SZT2: variants seen among roughly 807,000 people sequenced by gnomAD.
SZT2 encodes the protein KICSTOR complex protein SZT2.
Under a neutral mutation model 404.2 loss-of-function variants are expected in SZT2, and 216 were observed. That is an observed-to-expected ratio of 0.53 (90% CI 0.48 to 0.60). The LOEUF is 0.60. Among genes scored for constraint, SZT2 ranks in the 20% least tolerant of loss-of-function variants. The pLI is 0.00. For missense variants in SZT2, 3,857 were observed against 4,459.2 expected (o/e 0.86, Z 3.85); for synonymous variants, 1,693 against 1,749.9 (o/e 0.97, Z 0.81).
chr1:43,390,177 C>T (rs901518872), intron 1 of SZT2, among the ~76,000 whole-genome samples, 182 bp downstream of exon 1: 4 of 152,218 alleles, frequency 2.6e-5, no homozygotes, highest in Non-Finnish European at 5.9e-5. Context: ...GGACGCGGTC[C>T]GCAGTTTCCT....
At chr1:43,431,124 C>T in intron 33 of SZT2, 34 bp downstream of exon 33, 1 of 1,607,516 alleles carries the variant, frequency 6.2e-7, no homozygotes, top group South Asian at 1.1e-5. Flanking sequence ...GGTTTGGGAC[C>T]TTTTTAGGGT....
rs1655970862 is a variant in SZT2 at position 43,448,513 on chromosome 1, T to A, written c.9969+29T>A. 1 of 1,609,258 alleles carries A rather than the reference T, an allele frequency of 6.2e-7. No homozygotes were observed. Among genetic ancestry groups the A allele is most frequent in the Admixed American group, 1.7e-5 (1 of 59,606 alleles). On this transcript the variant is annotated intron_variant, in intron 69 of 71. Transcript: ENST00000634258. This position sits in a 1 kb window ranked among gnomAD's most constrained non-coding sequence, Gnocchi z 4.2. ...AGGAACTGTGGGCTCCCGAAAGAGC[T>A]GGGATAGGTGCCAGGAATTCCACTG...
At position 43,441,809 on chromosome 1, in the gene SZT2, A is replaced by C; in HGVS notation, c.7733A>C (p.Glu2578Ala). 6.2e-7 allele frequency: 1 copy of C among 1,614,160 alleles called. No individual in the cohort carries two copies. Among genetic ancestry groups the C allele is most frequent in the Non-Finnish European group, 8.5e-7 (1 of 1,180,030 alleles). Residue 2578 changes from glutamate (E) to alanine (A), a missense_variant, in exon 55 of 72, where the codon GAG becomes GCG. Coordinates refer to ENST00000634258, the MANE Select transcript of SZT2 (RefSeq NM_001365999.1). This position sits in a 1 kb window ranked among gnomAD's most constrained non-coding sequence, Gnocchi z 4.8. The stretch of plus-strand genomic sequence containing the variant: ...GGAGACACCAGTGTCCGCATCTTTG[A>C]GCAGCATTTGTGAGTGTAGATCCTA... ...MAGDTSVRIF[E>A]QHLGSEPEIF... is the part of the protein sequence containing the mutation.
chr1:43,408,804 TC>T, intron 4 of SZT2, among the ~76,000 whole-genome samples: 1 of 152,282 alleles, frequency 6.6e-6, no homozygotes, highest in African/African-American at 2.4e-5. Context: ...TCGTTTTCCT[TC>T]CCATGGGCCT....
rs769574689 is a variant in SZT2 at position 43,443,682 on chromosome 1, G to A, written c.8711G>A (p.Arg2904His). Residue 2904 changes from arginine (R) to histidine (H), a missense_variant, in exon 62 of 72, where the codon CGT (arginine) becomes CAT (histidine). Around this residue, in one of 7 missense-constraint regions of SZT2, gnomAD observed 717 missense variants for 868.2 expected, o/e 0.83. Coordinates refer to ENST00000634258, the MANE Select transcript of SZT2 (RefSeq NM_001365999.1). ...TTGGATGTGTCGCCCCCGGGAGCCC[G>A]TGAGGAGCCTTGGCTGAAGGAGCTG... ...ESLDVSPPGA[R>H]EEPWLKELSL... The A allele has an allele frequency of 2.2e-5, 35 of 1,614,118 alleles. No individual in the cohort carries two copies. Among genetic ancestry groups the A allele is most frequent in the East Asian group, 8.9e-5 (4 of 44,894 alleles).
At chr1:43,405,774 C>T (rs1650232384) in intron 4 of SZT2, 1 of 152,246 alleles carries the variant, frequency 6.6e-6, no homozygotes, top group African/African-American at 2.4e-5. Flanking sequence ...TTTGCAGGCA[C>T]TGATAGCCAA....
Position 43,423,038 on chromosome 1 carries a change from C to A in SZT2, c.2038-61C>A, listed in dbSNP as rs1294188409. 1.2e-5 allele frequency: 19 copies of A among 1,522,846 alleles called. No homozygotes were observed. In the East Asian group the frequency reaches 4.4e-4, roughly 35 times the overall value. The allele number at this position is 1,522,846 out of a possible 1,614,324, so 94.3% of individuals were successfully genotyped here. On this transcript the variant is annotated intron_variant, in intron 14 of 71. Coordinates refer to ENST00000634258, the MANE Select transcript of SZT2 (RefSeq NM_001365999.1). ...GGCTGTGTCTCACTTTGTCTGTGAG[C>A]CCCTTCTCCCAGACCTGTAGGAGAT...
In SZT2 at chr1:43,431,997, CAT is replaced by C. The variant is rs1653950092; in HGVS notation, c.5274+98_5274+99del. The stretch of plus-strand genomic sequence containing the variant: ...GGAAGGCCCTCTGTTAGTTCGAACT[CAT>C]AGAGTTATCCCTCCTGTCTCCCTGC... On this transcript the variant is annotated intron_variant, in intron 36 of 71. Coordinates refer to ENST00000634258, the MANE Select transcript of SZT2 (RefSeq NM_001365999.1). 24 of 1,433,140 alleles carry C rather than the reference CAT, an allele frequency of 1.7e-5. No homozygotes were observed. In the South Asian group the frequency reaches 3.0e-4, roughly 18 times the overall value. 88.8% of individuals were successfully genotyped at this position (1,433,140 alleles called of 1,614,324 possible).
chr1:43,428,550 C>T, intron 28 of SZT2, 64 bp downstream of exon 28: 1 of 1,570,832 alleles, frequency 6.4e-7, no homozygotes, highest in South Asian at 1.1e-5. Flanking sequence ...AAACAAGGAC[C>T]TTCCAGTCCA....
At chr1:43,421,053 G>C in intron 10 of SZT2, 70 bp downstream of exon 10, 2 of 1,593,554 alleles carry the variant, frequency 1.3e-6, no homozygotes, top group Admixed American at 3.3e-5. Context: ...GCAAAGGCGG[G>C]AGCTGGGGAG....
Position 43,451,232 on chromosome 1 carries a change from G to C in SZT2, c.*752G>C. The C allele has an allele frequency of 6.2e-7, 1 of 1,613,734 alleles. No homozygotes were observed. The highest frequency in any genetic ancestry group is 1.1e-5 in the South Asian group (1 of 91,082). On this transcript the variant is annotated 3_prime_UTR_variant, in exon 72 of 72. Coordinates refer to ENST00000634258, the MANE Select transcript of SZT2 (RefSeq NM_001365999.1). ...GTCTGGAGGCACGTGGGTGGTGTGCGGGCCCTCACTGGCCAGCCTCTGGGT... is the reference window on the plus strand; with the variant it reads ...GTCTGGAGGCACGTGGGTGGTGTGCCGGCCCTCACTGGCCAGCCTCTGGGT...
In SZT2 at chr1:43,426,764, A is replaced by G. The variant is rs749315913; in HGVS notation, c.3264A>G (p.Ala1088=). 1.2e-6 allele frequency: 2 copies of G among 1,613,812 alleles called. No individual in the cohort carries two copies. Among genetic ancestry groups the G allele is most frequent in the Non-Finnish European group, 1.7e-6 (2 of 1,179,886 alleles). The change falls in exon 23 of 72, where the codon GCA becomes GCG. Residue 1088 remains alanine (A), a synonymous_variant. Coordinates refer to ENST00000634258, the MANE Select transcript of SZT2 (RefSeq NM_001365999.1). This position sits in a 1 kb window ranked among gnomAD's most constrained non-coding sequence, Gnocchi z 4.9. Reference sequence around the variant, plus strand: ...TTCATGGGATCCCGAAGGAGCAAGCAGTCGGCAGCACCCAGGCCACAGGAG... The same window carrying G: ...TTCATGGGATCCCGAAGGAGCAAGCGGTCGGCAGCACCCAGGCCACAGGAG... ...LGVHGIPKEQ[A]VGSTQATGDS... is the part of the protein sequence containing the mutation.
chr1:43,421,691 C>T (rs981674085), intron 11 of SZT2, among the ~76,000 whole-genome samples: 2 of 152,254 alleles, frequency 1.3e-5, no homozygotes, highest in African/African-American at 4.8e-5. Context: ...CTACAGCTTC[C>T]TTGGTCCTGT....
In SZT2 at chr1:43,450,965, C is replaced by T; in HGVS notation, c.*485C>T. The T allele has an allele frequency of 2.6e-6, 2 of 762,138 alleles. No homozygotes were observed. Among genetic ancestry groups the T allele is most frequent in the East Asian group, 2.4e-5 (1 of 41,052 alleles). The allele number at this position is 762,138 out of a possible 1,614,324, so 47.2% of individuals were successfully genotyped here. A position where few individuals can be genotyped will look rare whatever the true frequency, so the allele number is the denominator to read the frequency against. On this transcript the variant is annotated 3_prime_UTR_variant, in exon 72 of 72. Transcript: ENST00000634258. This position sits in a 1 kb window ranked among gnomAD's most constrained non-coding sequence, Gnocchi z 4.3. ...TCCAATCCCAGCTCTGCCTTTGAAGCACTTGTGGCCACCGTCAAGTCCCTT... is the reference window on the plus strand; with the variant it reads ...TCCAATCCCAGCTCTGCCTTTGAAGTACTTGTGGCCACCGTCAAGTCCCTT...
At position 43,427,526 on chromosome 1, in the gene SZT2, A is replaced by G. The variant is rs774920944; in HGVS notation, c.3599-4A>G. The stretch of plus-strand genomic sequence containing the variant: ...GAAGACCACGTGACACCTTTTCTTC[A>G]CAGACAATGCCCAGAATCAAGGAGA... On this transcript the variant is annotated splice_region_variant and splice_polypyrimidine_tract_variant and intron_variant, in intron 25 of 71. Coordinates refer to ENST00000634258, the MANE Select transcript of SZT2 (RefSeq NM_001365999.1). 6.2e-6 allele frequency: 10 copies of G among 1,614,052 alleles called. No homozygotes were observed. The Admixed American group carries it at 1.7e-4, about 27-fold the overall frequency.
Position 43,450,639 on chromosome 1 carries a change from C to T in SZT2, c.*159C>T, listed in dbSNP as rs1570755338. ...TAACTATGTCTTGAGGGTCTGCTGC[C>T]CCAGCCTGGCAGCAGGAACCGCCCT... On this transcript the variant is annotated 3_prime_UTR_variant, in exon 72 of 72. Coordinates refer to ENST00000634258, the MANE Select transcript of SZT2 (RefSeq NM_001365999.1). The surrounding 1 kb of genome is among the most constrained non-coding windows in gnomAD (Gnocchi z 4.3). 4 of 1,151,296 alleles carry T rather than the reference C, an allele frequency of 3.5e-6. No homozygotes were observed. The East Asian group carries it at 9.8e-5, about 28-fold the overall frequency. The allele number at this position is 1,151,296 out of a possible 1,614,324, so 71.3% of individuals were successfully genotyped here.
At chr1:43,402,418 G>A (rs749563588) in intron 1 of SZT2, among the ~76,000 whole-genome samples, 3 of 152,220 alleles carry the variant, frequency 2.0e-5, no homozygotes, top group Non-Finnish European at 2.9e-5. Flanking sequence ...TCAGAGGACT[G>A]GTAAAGGCCT....
intron 4 of SZT2, among the ~76,000 whole-genome samples, chr1:43,411,147 C>T (rs1650991958): frequency 6.6e-6 from 1 of 152,206 alleles, no homozygotes; most frequent in East Asian, 1.9e-4. Flanking sequence ...TGTAGGATCC[C>T]CTCTGAAATG....
chr1:43,425,510 G>T lies in SZT2; in HGVS notation c.2682G>T (p.Glu894Asp). 1 of 1,614,160 alleles carries T rather than the reference G, an allele frequency of 6.2e-7. No homozygotes were observed. The stretch of plus-strand genomic sequence containing the variant: ...ATGATGACAATGATGTGGAAGTGGA[G>T]GCCCTGGAGGGAGACTCAGAGCTCA... ...STDDDNDVEV[E>D]ALEGDSELNL... Residue 894 changes from glutamate (E) to aspartate (D), a missense_variant, in exon 19 of 72, where the codon GAG (glutamate) becomes GAT (aspartate). Glu to Asp is a conservative substitution (Grantham distance 45, BLOSUM62 2). Around this residue, in one of 7 missense-constraint regions of SZT2, gnomAD observed 1,725 missense variants for 1,881.0 expected, o/e 0.92. Coordinates refer to ENST00000634258, the MANE Select transcript of SZT2 (RefSeq NM_001365999.1). The surrounding 1 kb of genome is among the most constrained non-coding windows in gnomAD (Gnocchi z 4.3).
Sources: allele counts gnomAD v4.1 joint callset (sites outside exome capture counted in the v4.1 genomes callset), GRCh38; gene constraint gnomAD v4.1.1; regional missense constraint gnomAD v4.1.1; non-coding constraint Gnocchi (gnomAD v3.1); transcripts MANE v1.5; gene names NCBI Gene and HGNC (gene_info 2026-07-23, HGNC 2026-07-21).